LVRN: variants seen among roughly 807,000 people sequenced by gnomAD.
The protein encoded by LVRN is aminopeptidase Q.
Under a neutral mutation model 111.4 loss-of-function variants are expected in LVRN, and 99 were observed. The observed-to-expected ratio is 0.89, with a 90% confidence interval of 0.76 to 1.05. The LOEUF is 1.05. LVRN is among the 50% of genes least tolerant of loss of function. LVRN has a pLI of 0.00. For missense variants in LVRN, 1,414 were observed against 1,206.8 expected (o/e 1.17, Z -2.54); for synonymous variants, 488 against 449.5 (o/e 1.09, Z -1.08).
chr5:116,002,976 T>A, intron 11 of LVRN, 65 bp downstream of exon 11: 1 of 1,313,496 alleles, frequency 7.6e-7, no homozygotes, highest in Admixed American at 2.2e-5. Flanking sequence ...AATAAAATAT[T>A]GAAAAGTCTA....
chr5:115,992,412 GA>G, intron 5 of LVRN, 135 bp downstream of exon 5: 1 of 1,011,788 alleles, frequency 9.9e-7, no homozygotes, highest in Non-Finnish European at 1.4e-6. Flanking sequence ...GTATGACAGT[GA>G]GTAAAAATGG....
intron 19 of LVRN, among the ~76,000 whole-genome samples, chr5:116,025,044 C>A (rs552967666): frequency 1.3e-5 from 2 of 152,164 alleles, no homozygotes; most frequent in Admixed American, 6.5e-5. Flanking sequence ...CACCTACAAT[C>A]CCAAACACCA....
At chr5:116,002,409 T>C (rs553941406) in intron 10 of LVRN, among the ~76,000 whole-genome samples, 1 of 152,352 alleles carries the variant, frequency 6.6e-6, no homozygotes, top group Non-Finnish European at 1.5e-5. Context: ...GGAGAATGCT[T>C]GAGGCTGAAA....
intron 1 of LVRN, among the ~76,000 whole-genome samples, chr5:115,971,185 C>G (rs1352077641): frequency 6.6e-6 from 1 of 152,130 alleles, no homozygotes; most frequent in African/African-American, 2.4e-5. Context: ...AATCTTCAGT[C>G]CATTTTTCTC....
intron 1 of LVRN, chr5:115,975,275 A>G: frequency 7.5e-6 from 3 of 399,082 alleles, no homozygotes; most frequent in South Asian, 4.5e-5. Context: ...AAAACCAAGT[A>G]GGTTACACTT....
intron 2 of LVRN, 73 bp from the exon 3 acceptor site, chr5:115,984,497 A>G (rs1747803835): frequency 1.3e-6 from 2 of 1,543,468 alleles, no homozygotes; most frequent in African/African-American, 2.7e-5. Context: ...GTGACAATTG[A>G]CTTGACAAAT....
At chr5:115,983,475 CT>C (rs1481379157) in intron 2 of LVRN, 46 bp downstream of exon 2, 2 of 1,532,672 alleles carry the variant, frequency 1.3e-6, no homozygotes, top group Non-Finnish European at 1.7e-6. Context: ...TCTATATAAG[CT>C]TTGTAATCAC....
chr5:116,003,942 CA>C (rs1171234402), intron 12 of LVRN, among the ~76,000 whole-genome samples: 1 of 152,166 alleles, frequency 6.6e-6, no homozygotes, highest in African/African-American at 2.4e-5. Flanking sequence ...AGGTAAGAAT[CA>C]GGATGCATTT....
intron 8 of LVRN, 34 bp from the exon 9 acceptor site, chr5:116,000,559 A>G: frequency 6.2e-7 from 1 of 1,612,924 alleles, no homozygotes; most frequent in Non-Finnish European, 8.5e-7. Context: ...TTGGCATGCT[A>G]TTTATTTTAA....
intron 1 of LVRN, among the ~76,000 whole-genome samples, chr5:115,980,355 T>G (rs1051201509): frequency 6.6e-6 from 1 of 152,004 alleles, no homozygotes; most frequent in Admixed American, 6.6e-5. Flanking sequence ...CAGTTAAGGT[T>G]GAGAGCCAAA....
rs2112573533 is a variant in LVRN, at chr5:115,984,694, A to G, written c.963A>G (p.Thr321=). 6.2e-7 allele frequency: 1 copy of G among 1,613,620 alleles called. No homozygotes were observed. The highest frequency in any genetic ancestry group is 8.5e-7 in the Non-Finnish European group (1 of 1,179,706). Reference sequence around the variant, plus strand: ...GTGACTATGACCACGTCAACAGAACAGAAAGGGGCAAGGAGGTGAGTGAGG... The same window carrying G: ...GTGACTATGACCACGTCAACAGAACGGAAAGGGGCAAGGAGGTGAGTGAGG... ...VICDYDHVNR[T]ERGKEIRIWA... The change falls in exon 3 of 20, where the codon ACA becomes ACG. Residue 321 remains threonine (T), a synonymous_variant. Transcript: ENST00000357872.
Position 115,962,968 on chromosome 5 carries a change from C to T in LVRN, c.351C>T (p.Pro117=), listed in dbSNP as rs756915267. The change falls in exon 1 of 20, where the codon CCC becomes CCT. Residue 117 remains proline, a synonymous_variant. Transcript: ENST00000357872. ...TGGAGCTGTGGCCGCAGCTGAGGCCCGACGAGCTTCCGGCCGGGTCTTTGC... is the reference window on the plus strand; with the variant it reads ...TGGAGCTGTGGCCGCAGCTGAGGCCTGACGAGCTTCCGGCCGGGTCTTTGC... The part of the protein sequence containing the change: ...YDLELWPQLR[P]DELPAGSLPF... 2 of 1,613,310 alleles carry T rather than the reference C, an allele frequency of 1.2e-6. No homozygotes were observed. The highest frequency in any genetic ancestry group is 1.1e-5 in the South Asian group (1 of 91,056).
In LVRN at chr5:115,992,136, G is replaced by A. The variant is rs145345019; in HGVS notation, c.1119G>A (p.Leu373=). 610 of 1,612,616 alleles carry A rather than the reference G, an allele frequency of 3.8e-4. 3 individuals carry two copies. The Middle Eastern group carries it at 4.1e-3, about 11-fold the overall frequency. ...AAATCCACTTAGATATAATTGCCTT[G>A]CCTAGTTTTGACAACCATGCAATGG... ...YSLPKTDIIA[L]PSFDNHAMEN... Residue 373 remains leucine (L), a synonymous_variant, in exon 5 of 20, where the codon TTG becomes TTA. Coordinates refer to ENST00000357872, the MANE Select transcript of LVRN (RefSeq NM_173800.5).
rs751346224 is a variant in LVRN at position 115,992,113 on chromosome 5, A to G, written c.1106-10A>G. 1.1e-5 allele frequency: 17 copies of G among 1,590,008 alleles called. No individual in the cohort carries two copies. Among genetic ancestry groups the G allele is most frequent in the South Asian group, 7.0e-5 (6 of 85,790 alleles). ...TTATTTTATTTTCTCCTCCATTTAA[A>G]TCCACTTAGATATAATTGCCTTGCC... On this transcript the variant is annotated splice_polypyrimidine_tract_variant and intron_variant, in intron 4 of 19. Transcript: ENST00000357872.
chr5:116,026,064 G>A lies in LVRN; in HGVS notation c.2919G>A (p.Leu973=). The stretch of plus-strand genomic sequence containing the variant: ...TACAGACAATAAAGAATGAAAATCT[G>A]AAAAACAAGAAGCTAAGTGCCAGGA... ...ANLQTIKNEN[L]KNKKLSARIA... is the part of the protein sequence containing the mutation. Residue 973 remains leucine (L), a synonymous_variant, in exon 20 of 20, where the codon CTG becomes CTA. Coordinates refer to ENST00000357872, the MANE Select transcript of LVRN (RefSeq NM_173800.5). The A allele has an allele frequency of 6.2e-7, 1 of 1,613,876 alleles. No individual in the cohort carries two copies. Among genetic ancestry groups the A allele is most frequent in the Non-Finnish European group, 8.5e-7 (1 of 1,179,854 alleles).
intron 9 of LVRN, 39 bp downstream of exon 9, chr5:116,000,697 T>G: frequency 1.3e-6 from 2 of 1,599,376 alleles, no homozygotes; most frequent in South Asian, 2.2e-5. Context: ...TGCTGAGTTG[T>G]TTTGTATGAT....
At chr5:116,016,706 G>A (rs1748607959) in intron 18 of LVRN, among the ~76,000 whole-genome samples, 1 of 152,170 alleles carries the variant, frequency 6.6e-6, no homozygotes, top group Non-Finnish European at 1.5e-5. Flanking sequence ...CATACAGTTT[G>A]ACTACATAGC....
chr5:116,024,660 G>A (rs1748826191), intron 19 of LVRN, among the ~76,000 whole-genome samples: 1 of 152,106 alleles, frequency 6.6e-6, no homozygotes, highest in Non-Finnish European at 1.5e-5. Flanking sequence ...ATCCAGTGAA[G>A]TTTTGTTGTT....
At chr5:116,015,907 T>G in intron 18 of LVRN, 142 bp downstream of exon 18, 1 of 1,049,994 alleles carries the variant, frequency 9.5e-7, no homozygotes, top group South Asian at 2.3e-5. Context: ...GTTATCATTT[T>G]TCCTTTGTTT....
Sources: gnomAD v4.1 joint callset for allele counts (sites outside exome capture counted in the v4.1 genomes callset) on GRCh38, gnomAD v4.1.1 for gene constraint, MANE v1.5 for transcripts, NCBI Gene and HGNC (gene_info 2026-07-23, HGNC 2026-07-21) for gene names.